SNTG1: variants seen among roughly 807,000 people sequenced by gnomAD.
SNTG1 encodes the protein syntrophin gamma 1.
A neutral mutation model predicts 74.7 loss-of-function variants in SNTG1; 39 were observed. That is an observed-to-expected ratio of 0.52 (90% confidence interval 0.40 to 0.68). SNTG1 has a LOEUF of 0.68. SNTG1 is among the 30% of genes least tolerant of loss of function. The probability of loss-of-function intolerance (pLI) is 0.00; values close to 1 mark genes in which losing one functional copy is unlikely to be tolerated. For missense variants in SNTG1, 685 were observed against 609.5 expected (o/e 1.12, Z -1.30); for synonymous variants, 254 against 217.1 (o/e 1.17, Z -1.49).
At chr8:50,638,335 C>T (rs1355156077) in intron 13 of SNTG1, among the ~76,000 whole-genome samples, 1 of 152,008 alleles carries the variant, frequency 6.6e-6, no homozygotes, top group Non-Finnish European at 1.5e-5. Flanking sequence ...TTTACAACCA[C>T]AATAGGAAAT....
chr8:50,539,477 C>G (rs1422269173), intron 11 of SNTG1, among the ~76,000 whole-genome samples: 1 of 152,116 alleles, frequency 6.6e-6, no homozygotes, highest in Non-Finnish European at 1.5e-5. Context: ...CTCAGCTCCT[C>G]AGGGAATTCT....
intron 13 of SNTG1, among the ~76,000 whole-genome samples, chr8:50,613,841 C>T (rs961336765): frequency 3.3e-5 from 5 of 152,076 alleles, no homozygotes; most frequent in Admixed American, 3.3e-4. Context: ...TTTGTACAAT[C>T]ACTCCATAGA....
At chr8:50,593,803 C>T (rs1464433307) in intron 13 of SNTG1, among the ~76,000 whole-genome samples, 7 of 151,606 alleles carry the variant, frequency 4.6e-5, no homozygotes, top group Non-Finnish European at 8.8e-5. Context: ...CTGCAACCTC[C>T]GCCTCCCTGG....
At chr8:50,511,786 CT>C (rs2094079081) in intron 9 of SNTG1, among the ~76,000 whole-genome samples, 1 of 152,082 alleles carries the variant, frequency 6.6e-6, no homozygotes, top group African/African-American at 2.4e-5. Flanking sequence ...TCCTCGATCC[CT>C]TTATTTTGAG....
intron 1 of SNTG1, among the ~76,000 whole-genome samples, chr8:49,926,324 TA>T (rs1807026039): frequency 6.6e-6 from 1 of 152,118 alleles, no homozygotes; most frequent in African/African-American, 2.4e-5. Context: ...TGTACAAGTA[TA>T]ATTTTTTTAC....
chr8:50,423,555 G>A (rs1338991015), intron 4 of SNTG1, among the ~76,000 whole-genome samples: 1 of 152,148 alleles, frequency 6.6e-6, no homozygotes, highest in African/African-American at 2.4e-5. Flanking sequence ...GCCAAAGGAT[G>A]ACCAAAACTA....
intron 9 of SNTG1, among the ~76,000 whole-genome samples, chr8:50,507,812 C>A (rs559854232): frequency 1.4e-3 from 216 of 151,578 alleles, no homozygotes; most frequent in African/African-American, 4.9e-3. Context: ...TTAGGTGTAT[C>A]TCCTAATGTT....
chr8:50,022,014 C>A (rs568238123), intron 1 of SNTG1, among the ~76,000 whole-genome samples: 66 of 151,738 alleles, frequency 4.3e-4, no homozygotes, highest in Non-Finnish European at 7.2e-4. Context: ...ATAGTTATTT[C>A]TTTAAAGACA....
chr8:50,684,523 G>A (rs2095343950), intron 15 of SNTG1, among the ~76,000 whole-genome samples: 1 of 151,800 alleles, frequency 6.6e-6, no homozygotes. Flanking sequence ...AATTCTGTCT[G>A]ATGTCAATCA....
chr8:50,141,487 C>T (rs896480921), intron 1 of SNTG1, among the ~76,000 whole-genome samples: 9 of 152,022 alleles, frequency 5.9e-5, no homozygotes, highest in African/African-American at 1.9e-4. Context: ...TCAAACCTAC[C>T]TAAACGCTTG....
At chr8:50,308,150 A>C (rs2089972951) in intron 2 of SNTG1, among the ~76,000 whole-genome samples, 1 of 151,556 alleles carries the variant, frequency 6.6e-6, no homozygotes, top group Non-Finnish European at 1.5e-5. Context: ...GGAAGCGCTC[A>C]CAGGACTCAG....
chr8:50,044,905 AGAT>A lies in SNTG1; in HGVS notation c.-102-127652_-102-127650del, dbSNP rs536666211. ...TTCAATTTGTTCAGTGAATTAAAAT[AGAT>A]GATATTTGCGAACCATTTAAAATAG... On this transcript the variant is annotated intron_variant, in intron 1 of 18. Coordinates refer to ENST00000642720, the MANE Select transcript of SNTG1 (RefSeq NM_018967.5). 2.6e-3 allele frequency among the ~76,000 whole-genome samples: 390 copies of A among 152,366 alleles called. 2 individuals are homozygous for A. The highest frequency in any genetic ancestry group is 0.013 in the South Asian group (61 of 4,830).
At chr8:49,951,350 T>G (rs1200137240) in intron 1 of SNTG1, among the ~76,000 whole-genome samples, 1 of 152,130 alleles carries the variant, frequency 6.6e-6, no homozygotes, top group Non-Finnish European at 1.5e-5. Flanking sequence ...TCTAAATAAA[T>G]CCTCACAAAT....
chr8:50,001,076 T>C (rs756461516), intron 1 of SNTG1, among the ~76,000 whole-genome samples: 4 of 152,196 alleles, frequency 2.6e-5, no homozygotes, highest in Non-Finnish European at 4.4e-5. Flanking sequence ...GAGTCCAGGG[T>C]GAGCTGAGCT....
intron 1 of SNTG1, among the ~76,000 whole-genome samples, chr8:50,049,260 ATC>A (rs1037842339): frequency 9.9e-5 from 15 of 152,152 alleles, no homozygotes; most frequent in Non-Finnish European, 1.9e-4. Context: ...CAACTGCATT[ATC>A]TACAAGAAAC....
chr8:50,586,183 T>G (rs1315734256), intron 12 of SNTG1, among the ~76,000 whole-genome samples: 1 of 152,208 alleles, frequency 6.6e-6, no homozygotes, highest in Non-Finnish European at 1.5e-5. Context: ...TTCTTTAAAA[T>G]GCACTTCTTA....
At chr8:49,945,559 C>T (rs1809101513) in intron 1 of SNTG1, among the ~76,000 whole-genome samples, 1 of 152,142 alleles carries the variant, frequency 6.6e-6, no homozygotes, top group Non-Finnish European at 1.5e-5. Flanking sequence ...TTTTCACATT[C>T]ACCAGCCAGC....
chr8:50,550,920 A>G (rs991262970), intron 11 of SNTG1, among the ~76,000 whole-genome samples: 2 of 152,152 alleles, frequency 1.3e-5, no homozygotes, highest in Non-Finnish European at 2.9e-5. Context: ...TTGATGAGAC[A>G]ATAATTCTAT....
intron 1 of SNTG1, among the ~76,000 whole-genome samples, chr8:50,070,425 T>C (rs16914250): frequency 0.047 from 7,153 of 152,262 alleles, 391 homozygotes; most frequent in South Asian, 0.13. Flanking sequence ...TTGTTTATTC[T>C]TGTGAACAGA....
Sources: gnomAD v4.1 joint callset for allele counts (sites outside exome capture counted in the v4.1 genomes callset) on GRCh38, gnomAD v4.1.1 for gene constraint, MANE v1.5 for transcripts, NCBI Gene and HGNC (gene_info 2026-07-23, HGNC 2026-07-21) for gene names.